The following CNFN variants were observed in gnomAD, a reference collection of about 807,000 sequenced individuals.
CNFN encodes the protein cornifelin.
In CNFN, 10 loss-of-function variants were observed where a neutral mutation model predicts 14.9. The ratio of observed to expected loss-of-function variants is 0.67; its 90% confidence interval spans 0.41 to 1.14. The LOEUF is 1.14. Ranked by LOEUF, CNFN falls within the 50% of genes most tolerant of loss-of-function variation. The pLI, the probability that CNFN is intolerant of heterozygous loss-of-function variation, is 0.00. For synonymous variants in CNFN, 66 were observed against 60.0 expected (o/e 1.10, Z -0.46); for missense variants, 165 against 152.8 (o/e 1.08, Z -0.42).
intron 2 of CNFN, among the ~76,000 whole-genome samples, chr19:42,388,141 C>A (rs549935033): frequency 1.3e-5 from 2 of 152,038 alleles, no homozygotes; most frequent in Non-Finnish European, 2.9e-5. Flanking sequence ...CCCGCCTCGG[C>A]CTCCCGAGTA....
At chr19:42,389,630 GGACT>G in intron 1 of CNFN, 1 of 853,180 alleles carries the variant, frequency 1.2e-6, no homozygotes, top group Non-Finnish European at 1.7e-6. Flanking sequence ...TGGGGGCAAG[GGACT>G]GGGGCACTGG....
intron 1 of CNFN, among the ~76,000 whole-genome samples, chr19:42,389,782 G>A (rs1042538794): frequency 6.6e-6 from 1 of 152,228 alleles, no homozygotes; most frequent in African/African-American, 2.4e-5. Context: ...CCGACAGATT[G>A]CAGAGGACCC....
At chr19:42,387,761 C>G (rs1350964652) in intron 2 of CNFN, among the ~76,000 whole-genome samples, 1 of 146,032 alleles carries the variant, frequency 6.8e-6, no homozygotes, top group East Asian at 2.0e-4. Context: ...GCGGGAGGAT[C>G]ACGAGGTCAG....
chr19:42,389,942 C>T lies in CNFN; in HGVS notation c.-3+298G>A, dbSNP rs377719336. Among the ~76,000 whole-genome samples the T allele has an allele frequency of 4.8e-4, 73 of 152,336 alleles. 1 individual carries two copies. The highest frequency in any genetic ancestry group is 1.7e-3 in the African/African-American group (71 of 41,572). On this transcript the variant is annotated intron_variant, in intron 1 of 3. Coordinates refer to ENST00000222032, the MANE Select transcript of CNFN (RefSeq NM_032488.4). ...CAGCACTTTGACTCCTCTGCAAGCC[C>T]ATCTCACAGATGAGCACTGAGGCTC...
In CNFN at chr19:42,387,321, TCCCCAG is replaced by T. The variant is rs1323279826; in HGVS notation, c.249+13_249+18del. The T allele has an allele frequency of 3.1e-6, 5 of 1,598,096 alleles. No homozygotes were observed. The East Asian group carries it at 1.1e-4, about 36-fold the overall frequency. ...GTCCCCAGCTCCCTGCTCCCGCGGG[TCCCCAG>T]CCCGGCGCGCACCTGGATGTGGTAG... On this transcript the variant is annotated intron_variant, in intron 3 of 3. Transcript: ENST00000222032.
chr19:42,387,258 G>A lies in CNFN; in HGVS notation c.250-16C>T. The A allele has an allele frequency of 6.2e-7, 1 of 1,611,450 alleles. No individual in the cohort carries two copies. Among genetic ancestry groups the A allele is most frequent in the Non-Finnish European group, 8.5e-7 (1 of 1,178,508 alleles). On this transcript the variant is annotated splice_polypyrimidine_tract_variant and intron_variant, in intron 3 of 3. Coordinates refer to ENST00000222032, the MANE Select transcript of CNFN (RefSeq NM_032488.4). ...CGACGGAGCCCTAGAGGGTAGGAGA[G>A]AGCGGTCAGGAGCCCCGCGGTGGGT...
Position 42,389,103 on chromosome 19 carries a change from C to T in CNFN, c.-2-64G>A, listed in dbSNP as rs2039878756. On this transcript the variant is annotated intron_variant, in intron 1 of 3. Coordinates refer to ENST00000222032, the MANE Select transcript of CNFN (RefSeq NM_032488.4). ...GCAGCATCTCCTGGGCCCCGCACTT[C>T]GGCCACCCTTCCCTGTGCCGGGCAG... 1.1e-5 allele frequency: 14 copies of T among 1,248,848 alleles called. No homozygotes were observed. In the Middle Eastern group the frequency reaches 7.7e-4, roughly 69 times the overall value. 77.4% of individuals were successfully genotyped at this position (1,248,848 alleles called of 1,614,324 possible). A position where few individuals can be genotyped will look rare whatever the true frequency, so the allele number is the denominator to read the frequency against.
intron 2 of CNFN, among the ~76,000 whole-genome samples, chr19:42,388,210 T>C (rs1449995812): frequency 1.3e-5 from 2 of 151,770 alleles, no homozygotes; most frequent in Non-Finnish European, 1.5e-5. Context: ...ATTTTTATTT[T>C]TGAGACGGAA....
chr19:42,389,804 G>A (rs2039884938), intron 1 of CNFN, among the ~76,000 whole-genome samples: 1 of 152,334 alleles, frequency 6.6e-6, no homozygotes, highest in African/African-American at 2.4e-5. Context: ...CCCCATACCC[G>A]AGATAGAGCT....
intron 1 of CNFN, 55 bp from the exon 2 acceptor site, chr19:42,389,094 C>G: frequency 7.4e-7 from 1 of 1,359,060 alleles, no homozygotes; most frequent in Non-Finnish European, 1.0e-6. Context: ...TCTCCTGGGC[C>G]CCGCACTTCG....
At chr19:42,389,570 TGTG>T in intron 1 of CNFN, 1 of 1,281,364 alleles carries the variant, frequency 7.8e-7, no homozygotes, top group South Asian at 1.2e-5. Flanking sequence ...CAGAAGTGGC[TGTG>T]GCAACAGTGG....
intron 2 of CNFN, among the ~76,000 whole-genome samples, chr19:42,388,456 G>A (rs2039872704): frequency 6.6e-6 from 1 of 152,192 alleles, no homozygotes; most frequent in East Asian, 1.9e-4. Context: ...GCCTCCCAAA[G>A]TCCTGGGATT....
chr19:42,388,903 A>G (rs2039876289), intron 2 of CNFN, 23 bp downstream of exon 2: 2 of 1,556,844 alleles, frequency 1.3e-6, no homozygotes, highest in Non-Finnish European at 8.8e-7. Flanking sequence ...CCAGGCCTGG[A>G]GAGGGAGCAG....
At position 42,387,366 on chromosome 19, in the gene CNFN, C is replaced by T; in HGVS notation, c.223G>A (p.Gly75Ser). ...LPGGLHSIRT[G>S]MRERYHIQGS... ...TGGATGTGGTAGCGCTCCCGCATGCCGGTGCGGATGGAGTGCAGGCCTCCG... is the reference window on the plus strand; with the variant it reads ...TGGATGTGGTAGCGCTCCCGCATGCTGGTGCGGATGGAGTGCAGGCCTCCG... Residue 75 changes from glycine (G) to serine (S), a missense_variant, in exon 3 of 4, where the codon GGC (glycine) becomes AGC (serine). Physicochemically the swap from Gly to Ser is moderately conservative, Grantham distance 56. Transcript: ENST00000222032. 6.3e-7 allele frequency: 1 copy of T among 1,598,564 alleles called. No individual in the cohort carries two copies. Among genetic ancestry groups the T allele is most frequent in the Non-Finnish European group, 8.5e-7 (1 of 1,173,838 alleles).
At chr19:42,388,252 G>A (rs2039870872) in intron 2 of CNFN, among the ~76,000 whole-genome samples, 1 of 151,956 alleles carries the variant, frequency 6.6e-6, no homozygotes, top group African/African-American at 2.4e-5. Context: ...GGAGTGCAGT[G>A]GCGTGATCTC....
chr19:42,387,995 C>T (rs372646044), intron 2 of CNFN, among the ~76,000 whole-genome samples: 1 of 36,152 alleles, frequency 2.8e-5, no homozygotes, highest in South Asian at 6.4e-4. Context: ...AAACAAAAAA[C>T]AAAACAAAAA....
intron 1 of CNFN, chr19:42,389,448 T>G: frequency 1.5e-6 from 2 of 1,291,294 alleles, no homozygotes; most frequent in African/African-American, 3.0e-5. Flanking sequence ...GCGGCCAGGT[T>G]CCAGTACTGA....
At chr19:42,387,995 CAAAACAAAAA>C (rs2039868080) in intron 2 of CNFN, among the ~76,000 whole-genome samples, 1 of 36,144 alleles carries the variant, frequency 2.8e-5, no homozygotes, top group Non-Finnish European at 6.6e-5. Context: ...AAACAAAAAA[CAAAACAAAAA>C]AAAAAACGAA....
intron 2 of CNFN, 47 bp from the exon 3 acceptor site, chr19:42,387,523 C>T: frequency 1.4e-6 from 2 of 1,461,798 alleles, no homozygotes; most frequent in Non-Finnish European, 1.8e-6. Context: ...CGGGGCCTCC[C>T]GACGGCTCCG....
Sources: gnomAD v4.1 joint callset for allele counts (sites outside exome capture counted in the v4.1 genomes callset) on GRCh38, gnomAD v4.1.1 for gene constraint, MANE v1.5 for transcripts, NCBI Gene and HGNC (gene_info 2026-07-23, HGNC 2026-07-21) for gene names.